KPNA7: variants seen among roughly 807,000 people sequenced by gnomAD.
The protein encoded by KPNA7 is karyopherin subunit alpha 7.
KPNA7 carries 54 observed loss-of-function variants against 53.7 expected under a neutral mutation model. The observed-to-expected ratio is 1.01, with a 90% CI of 0.81 to 1.26. The LOEUF is 1.26. Ranked by LOEUF, KPNA7 falls within the 50% of genes most tolerant of loss-of-function variation. The probability of loss-of-function intolerance (pLI) is 0.00; values close to 1 mark genes in which losing one functional copy is unlikely to be tolerated. For synonymous variants in KPNA7, 276 were observed against 259.3 expected, an observed-to-expected ratio of 1.06 and a Z score of -0.62; for missense variants, 640 against 644.5, an observed-to-expected ratio of 0.99 and a Z score of 0.07.
upstream of KPNA7, among the ~76,000 whole-genome samples, chr7:99,211,144 G>A (rs1791059643): frequency 1.3e-5 from 2 of 152,206 alleles, no homozygotes; most frequent in Non-Finnish European, 1.5e-5. Flanking sequence ...AGCTGGCTGG[G>A]CACAGTGGCT....
At chr7:99,160,224 C>T in the KPNA7 span, among the ~76,000 whole-genome samples, 1 of 151,846 alleles carries the variant, frequency 6.6e-6, no homozygotes, top group African/African-American at 2.4e-5. Context: ...GACGGGGTTT[C>T]ACCGTGTTAG....
chr7:99,214,878 G>A (rs887362661), intron 1 of KPNA7, among the ~76,000 whole-genome samples: 6 of 152,064 alleles, frequency 3.9e-5, no homozygotes, highest in Non-Finnish European at 8.8e-5. Flanking sequence ...TGAAATACCT[G>A]CTCTAGCTGC....
chr7:99,193,068 G>C lies in KPNA7; in HGVS notation c.587C>G (p.Thr196Arg), dbSNP rs200382012. The change falls in exon 6 of 11, where the codon ACA (threonine) becomes AGA (arginine). Residue 196 changes from threonine to arginine, a missense_variant. Physicochemically the swap from Thr to Arg is moderately conservative, Grantham distance 71 (BLOSUM62 -1). Coordinates refer to ENST00000327442, the MANE Select transcript of KPNA7 (RefSeq NM_001145715.3). ...DGPEFRDNVI[T>R]SNAIPHLLAL... ...TAGGAGATGTGGGATGGCATTGCTT[G>C]TGATGACGTTATCTCTGAACTCTGG... is the stretch of plus-strand genomic sequence containing the variant. The C allele has an allele frequency of 7.3e-6, 11 of 1,510,954 alleles. No individual in the cohort carries two copies. In the South Asian group the frequency reaches 1.5e-4, roughly 20 times the overall value. The allele number at this position is 1,510,954 out of a possible 1,614,324, so 93.6% of individuals were successfully genotyped here.
chr7:99,208,720 CA>C (rs1201685352), upstream of KPNA7, among the ~76,000 whole-genome samples: 1 of 152,174 alleles, frequency 6.6e-6, no homozygotes, highest in Non-Finnish European at 1.5e-5. Flanking sequence ...AGCATCACCA[CA>C]CCAGCTCAGT....
At chr7:99,166,972 C>T in the KPNA7 span, among the ~76,000 whole-genome samples, 4 of 152,216 alleles carry the variant, frequency 2.6e-5, no homozygotes, top group Admixed American at 2.0e-4. Context: ...GAATGTTCTG[C>T]ATTCACAGGT....
At chr7:99,217,983 G>A (rs560194999) in intron 1 of KPNA7, among the ~76,000 whole-genome samples, 4 of 151,954 alleles carry the variant, frequency 2.6e-5, no homozygotes, top group South Asian at 2.1e-4. Context: ...TGAATGAGAC[G>A]CACCTGGGGA....
chr7:99,167,341 A>AGGAGGTGAGCAGCAGGTGAGC, the KPNA7 span, among the ~76,000 whole-genome samples: 13 of 152,354 alleles, frequency 8.5e-5, 1 homozygote, highest in East Asian at 1.2e-3. Context: ...GCCACCCAGC[A>AGGAGGTGAGCAGCAGGTGAGC]GGAGGTGAGC....
chr7:99,163,934 T>C, the KPNA7 span, among the ~76,000 whole-genome samples: 2 of 152,070 alleles, frequency 1.3e-5, no homozygotes, highest in Admixed American at 1.3e-4. Flanking sequence ...AAAACCACAA[T>C]GAGATACCAT....
At chr7:99,202,002 T>C (rs1790563455) in intron 3 of KPNA7, among the ~76,000 whole-genome samples, 1 of 152,094 alleles carries the variant, frequency 6.6e-6, no homozygotes. Flanking sequence ...ACCACTGTGC[T>C]TGGCCTTTTT....
intron 7 of KPNA7, among the ~76,000 whole-genome samples, chr7:99,187,814 A>T (rs866452063): frequency 0.019 from 2,410 of 126,950 alleles, 130 homozygotes; most frequent in African/African-American, 0.068. Context: ...AAAAAAAAAA[A>T]AAAAAAAAAA....
intron 4 of KPNA7, 95 bp from the exon 5 acceptor site, chr7:99,195,433 A>T (rs1050467239): frequency 4.2e-6 from 5 of 1,197,386 alleles, no homozygotes; most frequent in Admixed American, 2.3e-5. Flanking sequence ...TCACACCTGT[A>T]ATCTCAGCAC....
chr7:99,179,738 C>T, intron 9 of KPNA7, among the ~76,000 whole-genome samples: 1 of 123,604 alleles, frequency 8.1e-6, no homozygotes, highest in Non-Finnish European at 1.9e-5. Context: ...GCATGAGCCA[C>T]CATGCCTGGC....
chr7:99,209,730 A>G (rs1423238560), upstream of KPNA7, among the ~76,000 whole-genome samples: 1 of 147,630 alleles, frequency 6.8e-6, no homozygotes, highest in Non-Finnish European at 1.5e-5. Context: ...CTGATTAGTC[A>G]GGCACAGTGG....
chr7:99,215,966 TTCTC>T (rs1410331678), intron 1 of KPNA7, among the ~76,000 whole-genome samples: 1 of 150,750 alleles, frequency 6.6e-6, no homozygotes, highest in Admixed American at 6.6e-5. Flanking sequence ...AAGAGATCCC[TTCTC>T]TAATTAAAAA....
chr7:99,215,087 T>C (rs111316182), intron 1 of KPNA7, among the ~76,000 whole-genome samples: 8,143 of 151,842 alleles, frequency 0.054, 485 homozygotes, highest in African/African-American at 0.14. Flanking sequence ...GCCATGGCTA[T>C]TAGAAACTCG....
upstream of KPNA7, among the ~76,000 whole-genome samples, chr7:99,211,716 G>A (rs970852790): frequency 3.9e-5 from 6 of 152,142 alleles, no homozygotes; most frequent in Admixed American, 3.9e-4. Flanking sequence ...TCAGAGCAGA[G>A]GAAACCAACA....
At chr7:99,193,189 C>G (rs964804774) in intron 5 of KPNA7, 88 bp from the exon 6 acceptor site, 2 of 765,284 alleles carry the variant, frequency 2.6e-6, no homozygotes. Flanking sequence ...GTGCAAAGGG[C>G]AAGAGACAAA....
In KPNA7 at chr7:99,218,805, G is replaced by T. The variant is rs138981775; in HGVS notation, c.-23-11316C>A. ...AGCAAGGACACAGCAGCCTCCTCAG[G>T]GCCCCCAAACAGCTGCCTGGCTCAT... is the stretch of plus-strand genomic sequence containing the variant. On this transcript the variant is annotated intron_variant, in intron 1 of 10. Coordinates refer to the KPNA7 transcript ENST00000681060. Among the ~76,000 whole-genome samples the T allele has an allele frequency of 2.9e-4, 44 of 152,320 alleles. No homozygotes were observed. The East Asian group carries it at 8.1e-3, about 28-fold the overall frequency.
In KPNA7 at chr7:99,188,468, C is replaced by T. The variant is rs1018268488; in HGVS notation, c.732G>A (p.Pro244=). 1.4e-5 allele frequency: 22 copies of T among 1,551,562 alleles called. No individual in the cohort carries two copies. Among genetic ancestry groups the T allele is most frequent in the Admixed American group, 5.9e-5 (3 of 50,958 alleles). The stretch of plus-strand genomic sequence containing the variant: ...GGTGCTGCAGGAGGTGAAGGAGGGC[C>T]GGCAGTATCTGCTTCACCGCAGTGT... ...PCDTAVKQIL[P]ALLHLLQHQD... The change falls in exon 7 of 11, where the codon CCG becomes CCA. Residue 244 remains proline (P), a synonymous_variant. Transcript: ENST00000327442.
Sources: allele counts gnomAD v4.1 joint callset (sites outside exome capture counted in the v4.1 genomes callset), GRCh38; gene constraint gnomAD v4.1.1; transcripts MANE v1.5; gene names NCBI Gene and HGNC (gene_info 2026-07-23, HGNC 2026-07-21).